The following SIGLEC6 variants were observed in gnomAD, a reference collection of about 807,000 sequenced individuals.
The protein encoded by SIGLEC6 is sialic acid binding Ig like lectin 6.
A neutral mutation model predicts 41.4 loss-of-function variants in SIGLEC6; 31 were observed. That is an observed-to-expected ratio of 0.75 (90% CI 0.56 to 1.01). SIGLEC6 has a LOEUF of 1.01. Ranked by LOEUF, SIGLEC6 falls within the 50% of genes least tolerant of loss-of-function variation. The probability of loss-of-function intolerance (pLI) is 0.00; values close to 1 mark genes in which losing one functional copy is unlikely to be tolerated. For synonymous variants in SIGLEC6, 217 were observed against 231.0 expected, an observed-to-expected ratio of 0.94 and a Z score of 0.55; for missense variants, 555 against 558.6, an observed-to-expected ratio of 0.99 and a Z score of 0.06.
rs917812140 is a variant in SIGLEC6 at position 51,518,427 on chromosome 19, C to T, written c.*1655G>A. 6.6e-6 allele frequency among the ~76,000 whole-genome samples: 1 copy of T among 152,206 alleles called. No individual in the cohort carries two copies. The highest frequency in any genetic ancestry group is 6.5e-5 in the Admixed American group (1 of 15,276). On this transcript the variant is annotated 3_prime_UTR_variant, in exon 8 of 8. Coordinates refer to ENST00000425629, the MANE Select transcript of SIGLEC6 (RefSeq NM_001245.7). Reference sequence around the variant, plus strand: ...CAATCTCAGCTCACTTCAACCTCCACCTCCCAGGTTCAAGCAATTCTCCTG... The same window carrying T: ...CAATCTCAGCTCACTTCAACCTCCATCTCCCAGGTTCAAGCAATTCTCCTG...
At chr19:51,527,881 CA>C in intron 6 of SIGLEC6, 53 bp from the exon 7 acceptor site, 1 of 1,555,382 alleles carries the variant, frequency 6.4e-7, no homozygotes, top group African/African-American at 1.4e-5. Flanking sequence ...CCTCTTTCCC[CA>C]AAAGAAAACC....
At position 51,527,947 on chromosome 19, in the gene SIGLEC6, C is replaced by T. The variant is rs796499113; in HGVS notation, c.1107-119G>A. The T allele has an allele frequency of 3.8e-6, 4 of 1,060,774 alleles. No individual in the cohort carries two copies. In the South Asian group the frequency reaches 4.4e-5, roughly 12 times the overall value. 65.7% of individuals were successfully genotyped at this position (1,060,774 alleles called of 1,614,324 possible). On this transcript the variant is annotated intron_variant, in intron 6 of 7. Coordinates refer to ENST00000425629, the MANE Select transcript of SIGLEC6 (RefSeq NM_001245.7). Reference sequence around the variant, plus strand: ...AGTAATTAAGAGGTCCAGGTGCTCACATGAGCCCAAGAGTTGGACCACGGT... The same window carrying T: ...AGTAATTAAGAGGTCCAGGTGCTCATATGAGCCCAAGAGTTGGACCACGGT...
intron 7 of SIGLEC6, 38 bp downstream of exon 7, chr19:51,527,709 G>C: frequency 3.8e-6 from 6 of 1,577,008 alleles, no homozygotes; most frequent in Non-Finnish European, 5.2e-6. Context: ...ATTCAAAAGG[G>C]ATAATGCTGA....
In SIGLEC6 at chr19:51,528,270, A is replaced by T; in HGVS notation, c.1013-17T>A. On this transcript the variant is annotated splice_polypyrimidine_tract_variant and intron_variant, in intron 5 of 7. Transcript: ENST00000425629. ...CTGGTTTCCCTATAATTTGAATTTT[A>T]AGTGAACTCCAGTTCTAATTCCAGG... 6.2e-7 allele frequency: 1 copy of T among 1,603,008 alleles called. No individual in the cohort carries two copies. Among genetic ancestry groups the T allele is most frequent in the South Asian group, 1.1e-5 (1 of 90,850 alleles).
At position 51,531,418 on chromosome 19, in the gene SIGLEC6, G is replaced by C. The variant is rs2305773; in HGVS notation, c.169C>G (p.Leu57Val). Residue 57 changes from leucine (L) to valine (V), a missense_variant, in exon 2 of 8, where the codon CTT becomes GTT. Transcript: ENST00000425629. ...CCATAACCATAGTACGAGGCTGGAAGGGTAGTGGGCAATCTGCAGGGTACG... is the reference window on the plus strand; with the variant it reads ...CCATAACCATAGTACGAGGCTGGAACGGTAGTGGGCAATCTGCAGGGTACG... ...VLVPCRLPTT[L>V]PASYYGYGYW... The C allele has an allele frequency of 4.6e-4, 745 of 1,614,114 alleles. 14 individuals are homozygous for C. In the East Asian group the frequency reaches 0.016, roughly 36 times the overall value.
At chr19:51,522,914 C>T (rs1350938863) in intron 7 of SIGLEC6, among the ~76,000 whole-genome samples, 4 of 149,380 alleles carry the variant, frequency 2.7e-5, no homozygotes, top group African/African-American at 9.9e-5. Flanking sequence ...GGCAGGAGTA[C>T]TGCTTGAGCC....
Position 51,519,218 on chromosome 19 carries a change from C to T in SIGLEC6, c.*864G>A, listed in dbSNP as rs1400749148. 1.4e-5 allele frequency among the ~76,000 whole-genome samples: 2 copies of T among 139,394 alleles called. No homozygotes were observed. Among genetic ancestry groups the T allele is most frequent in the South Asian group, 4.7e-4 (2 of 4,232 alleles). 91.4% of individuals were successfully genotyped at this position (139,394 alleles called of 152,430 possible). A position where few individuals can be genotyped will look rare whatever the true frequency, so the allele number is the denominator to read the frequency against. Reference sequence around the variant, plus strand: ...GCTGAGGCAGGAGAATGGTGTGAACCCAGGGGGCGAAGCTTGCACTGAGCC... The same window carrying T: ...GCTGAGGCAGGAGAATGGTGTGAACTCAGGGGGCGAAGCTTGCACTGAGCC... On this transcript the variant is annotated 3_prime_UTR_variant, in exon 8 of 8. Transcript: ENST00000425629.
At position 51,529,849 on chromosome 19, in the gene SIGLEC6, G is replaced by A; in HGVS notation, c.887C>T (p.Thr296Ile). The change falls in exon 5 of 8, where the codon ACC (threonine) becomes ATC (isoleucine). Residue 296 changes from threonine (T) to isoleucine (I), a missense_variant. Thr to Ile is a moderately conservative substitution (Grantham distance 89, BLOSUM62 -1). Coordinates refer to ENST00000425629, the MANE Select transcript of SIGLEC6 (RefSeq NM_001245.7). ...WFQGFPALNA[T>I]PISNTGVLEL... ...CAGGACCCCGGTATTGGAGATGGGG[G>A]TGGCGTTCAGGGCGGGGAAGCCCTG... The A allele has an allele frequency of 1.2e-6, 2 of 1,614,170 alleles. No homozygotes were observed. Among genetic ancestry groups the A allele is most frequent in the Admixed American group, 1.7e-5 (1 of 60,030 alleles).
At chr19:51,531,139 G>T in intron 2 of SIGLEC6, 21 bp downstream of exon 2, 1 of 1,569,380 alleles carries the variant, frequency 6.4e-7, no homozygotes, top group Non-Finnish European at 8.6e-7. Flanking sequence ...CCTGTGGCTA[G>T]TCCTGGAGCT....
intron 7 of SIGLEC6, among the ~76,000 whole-genome samples, chr19:51,522,663 C>G (rs968219767): frequency 6.6e-6 from 1 of 151,394 alleles, no homozygotes; most frequent in African/African-American, 2.4e-5. Flanking sequence ...TGGTGGCTCA[C>G]GCCTGTAGTC....
In SIGLEC6 at chr19:51,518,099, T is replaced by TC. The variant is rs1427524512; in HGVS notation, c.*1982_*1983insG. Among the ~76,000 whole-genome samples the TC allele has an allele frequency of 6.6e-6, 1 of 152,216 alleles. No individual in the cohort carries two copies. Among genetic ancestry groups the TC allele is most frequent in the Non-Finnish European group, 1.5e-5 (1 of 68,024 alleles). The stretch of plus-strand genomic sequence containing the variant: ...GATCACTTTCCTAATACCTGAATTA[T>TC]ATGTTTTAGAATTTATTTGAGAAAT... On this transcript the variant is annotated 3_prime_UTR_variant, in exon 8 of 8. Coordinates refer to ENST00000425629, the MANE Select transcript of SIGLEC6 (RefSeq NM_001245.7).
chr19:51,528,310 G>T, intron 5 of SIGLEC6, 57 bp from the exon 6 acceptor site: 1 of 1,437,302 alleles, frequency 7.0e-7, no homozygotes, highest in Non-Finnish European at 9.8e-7. Context: ...CCTCCCAACA[G>T]CCATTCCTCT....
At chr19:51,521,391 T>C (rs1233768735) in intron 7 of SIGLEC6, among the ~76,000 whole-genome samples, 1 of 152,156 alleles carries the variant, frequency 6.6e-6, no homozygotes, top group African/African-American at 2.4e-5. Context: ...TGTGTGTGTG[T>C]GTTCAGGGAG....
intron 7 of SIGLEC6, among the ~76,000 whole-genome samples, chr19:51,524,388 G>C (rs943643627): frequency 6.6e-6 from 1 of 152,096 alleles, no homozygotes; most frequent in Admixed American, 6.5e-5. Context: ...CAGAAATAAA[G>C]ACATTTCATA....
At position 51,520,029 on chromosome 19, in the gene SIGLEC6, C is replaced by T. The variant is rs1323604494; in HGVS notation, c.*53G>A. ...GCTGTGGCAGCCCTAGTAACCAATACACTGAGAGGTACCATGTTCTCTCCA... is the reference window on the plus strand; with the variant it reads ...GCTGTGGCAGCCCTAGTAACCAATATACTGAGAGGTACCATGTTCTCTCCA... On this transcript the variant is annotated 3_prime_UTR_variant, in exon 8 of 8. Coordinates refer to ENST00000425629, the MANE Select transcript of SIGLEC6 (RefSeq NM_001245.7). The T allele has an allele frequency of 6.9e-7, 1 of 1,447,138 alleles. No individual in the cohort carries two copies. The highest frequency in any genetic ancestry group is 1.4e-5 in the African/African-American group (1 of 72,156). 89.6% of individuals were successfully genotyped at this position (1,447,138 alleles called of 1,614,324 possible).
rs371073982 is a variant in SIGLEC6, at chr19:51,531,113, GC to G, written c.427+46del. The G allele has an allele frequency of 1.2e-4, 188 of 1,553,982 alleles. 4 individuals carry two copies. In the East Asian group the frequency reaches 3.5e-3, roughly 29 times the overall value. On this transcript the variant is annotated intron_variant, in intron 2 of 7. Transcript: ENST00000425629. The stretch of plus-strand genomic sequence containing the variant: ...GCTCCCGTCCCAGCCCTGCCCTACG[GC>G]CCCCATGACCTTCCCCTGTGGCTAG...
chr19:51,530,365 C>T, intron 4 of SIGLEC6, 72 bp downstream of exon 4: 3 of 1,377,488 alleles, frequency 2.2e-6, no homozygotes, highest in Non-Finnish European at 2.0e-6. Context: ...CCTGGCTTCT[C>T]ATATTGATCC....
At chr19:51,527,309 T>C (rs1979396233) in intron 7 of SIGLEC6, among the ~76,000 whole-genome samples, 1 of 152,164 alleles carries the variant, frequency 6.6e-6, no homozygotes, top group Non-Finnish European at 1.5e-5. Context: ...TGTAATATTG[T>C]AATAGTGATG....
chr19:51,518,426 A>G lies in SIGLEC6; in HGVS notation c.*1656T>C, dbSNP rs2122254109. On this transcript the variant is annotated 3_prime_UTR_variant, in exon 8 of 8. Coordinates refer to ENST00000425629, the MANE Select transcript of SIGLEC6 (RefSeq NM_001245.7). ...GCAATCTCAGCTCACTTCAACCTCC[A>G]CCTCCCAGGTTCAAGCAATTCTCCT... is the stretch of plus-strand genomic sequence containing the variant. Among the ~76,000 whole-genome samples the G allele has an allele frequency of 6.6e-6, 1 of 152,186 alleles. No individual in the cohort carries two copies. Among genetic ancestry groups the G allele is most frequent in the East Asian group, 1.9e-4 (1 of 5,164 alleles).
Sources: allele counts gnomAD v4.1 joint callset (sites outside exome capture counted in the v4.1 genomes callset), GRCh38; gene constraint gnomAD v4.1.1; transcripts MANE v1.5; gene names NCBI Gene and HGNC (gene_info 2026-07-23, HGNC 2026-07-21).